Variants in AACS observed in about 807,000 individuals in gnomAD.
AACS encodes the protein acetoacetate-CoA ligase.
In AACS, 69 loss-of-function variants were observed where a neutral mutation model predicts 83.1. That is an observed-to-expected ratio of 0.83 (90% CI 0.68 to 1.01). AACS has a LOEUF of 1.01. AACS is among the 50% of genes least tolerant of loss of function. The pLI is 0.00. For synonymous variants in AACS, 333 were observed against 343.4 expected, an observed-to-expected ratio of 0.97 and a Z score of 0.33; for missense variants, 866 against 882.2, an observed-to-expected ratio of 0.98 and a Z score of 0.23.
At chr12:125,088,102 G>A (rs1956380761) in intron 4 of AACS, among the ~76,000 whole-genome samples, 1 of 152,160 alleles carries the variant, frequency 6.6e-6, no homozygotes, top group Non-Finnish European at 1.5e-5. Context: ...CATACTAGAA[G>A]GCAGGGGCTT....
At chr12:125,079,153 TG>T (rs969836576) in intron 3 of AACS, among the ~76,000 whole-genome samples, 2 of 151,934 alleles carry the variant, frequency 1.3e-5, no homozygotes, top group African/African-American at 4.8e-5. Flanking sequence ...AAGAAGGCCC[TG>T]GGCTGGAGGA....
chr12:125,134,486 G>A (rs1215027268), intron 15 of AACS, among the ~76,000 whole-genome samples: 2 of 152,196 alleles, frequency 1.3e-5, no homozygotes, highest in Admixed American at 1.3e-4. Context: ...TGGGGTTCTC[G>A]GGTAGGGAGT....
In AACS at chr12:125,073,926, T is replaced by C; in HGVS notation, c.184T>C (p.Trp62Arg). Residue 62 changes from tryptophan to arginine, a missense_variant, in exon 2 of 18, where the codon TGG (tryptophan) becomes CGG (arginine). By Grantham distance (101) the Trp-to-Arg change is moderately radical. Coordinates refer to ENST00000316519, the MANE Select transcript of AACS (RefSeq NM_023928.5). ...HWSVESYSDF[W>R]AEFWKFSGIV... ...GTCCGTTGAGTCATATTCAGACTTC[T>C]GGGCAGAGTTCTGGAAATTCAGTGG... The C allele has an allele frequency of 1.9e-6, 3 of 1,614,236 alleles. No homozygotes were observed. Among genetic ancestry groups the C allele is most frequent in the Non-Finnish European group, 2.5e-6 (3 of 1,180,030 alleles).
In AACS at chr12:125,124,693, C is replaced by T; in HGVS notation, c.1122-12C>T. The T allele has an allele frequency of 6.2e-7, 1 of 1,613,506 alleles. No homozygotes were observed. The highest frequency in any genetic ancestry group is 1.1e-5 in the South Asian group (1 of 91,046). On this transcript the variant is annotated splice_polypyrimidine_tract_variant and intron_variant, in intron 10 of 17. Coordinates refer to ENST00000316519, the MANE Select transcript of AACS (RefSeq NM_023928.5). ...AGAGTTTCTGGTGTTTTCTTTCCCG[C>T]CTGCACCCTAGCATCACTGTCCTGG...
Position 125,106,138 on chromosome 12 carries a change from C to T in AACS, c.768-983C>T, listed in dbSNP as rs111837991. Among the ~76,000 whole-genome samples, 486 of 152,320 alleles carry T rather than the reference C, an allele frequency of 3.2e-3. 10 individuals are homozygous for T. Among genetic ancestry groups the T allele is most frequent in the African/African-American group, 0.011 (462 of 41,574 alleles). On this transcript the variant is annotated intron_variant, in intron 7 of 17. Coordinates refer to ENST00000316519, the MANE Select transcript of AACS (RefSeq NM_023928.5). ...GGCATTTGTATTTCAGAGTAATTAT[C>T]CCTAGCAAATGGCTGCAGGCTGCGT...
chr12:125,132,370 G>A (rs754921392), intron 14 of AACS, among the ~76,000 whole-genome samples: 4 of 152,188 alleles, frequency 2.6e-5, no homozygotes, highest in Non-Finnish European at 5.9e-5. Context: ...TTTCTCGTCC[G>A]ATTAAAGGGA....
In AACS at chr12:125,104,967, C is replaced by T. The variant is rs576827512; in HGVS notation, c.767+1886C>T. ...TGATCATGGCGGAAGGGAAGTGGAGCGGGCACTTTACATGGGAAAGCAGGA... is the reference window on the plus strand; with the variant it reads ...TGATCATGGCGGAAGGGAAGTGGAGTGGGCACTTTACATGGGAAAGCAGGA... On this transcript the variant is annotated intron_variant, in intron 7 of 17. Coordinates refer to ENST00000316519, the MANE Select transcript of AACS (RefSeq NM_023928.5). Among the ~76,000 whole-genome samples, 5 of 122,584 alleles carry T rather than the reference C, an allele frequency of 4.1e-5. No individual in the cohort carries two copies. In the East Asian group the frequency reaches 1.1e-3, roughly 26 times the overall value. 80.4% of individuals were successfully genotyped at this position (122,584 alleles called of 152,430 possible).
chr12:125,096,199 C>T (rs1956604251), intron 5 of AACS, among the ~76,000 whole-genome samples: 2 of 152,152 alleles, frequency 1.3e-5, no homozygotes, highest in South Asian at 2.1e-4. Flanking sequence ...CTCCTGACCT[C>T]GTGATGCAAA....
intron 10 of AACS, 156 bp from the exon 11 acceptor site, chr12:125,124,549 C>G (rs1209231187): frequency 1.3e-6 from 1 of 788,640 alleles, no homozygotes; most frequent in Non-Finnish European, 2.0e-6. Flanking sequence ...GGTGCCGTGA[C>G]TCAGACTCGA....
chr12:125,100,232 G>A (rs1052379309), intron 5 of AACS, among the ~76,000 whole-genome samples: 14 of 152,214 alleles, frequency 9.2e-5, no homozygotes, highest in African/African-American at 2.9e-4. Flanking sequence ...GGGATTACAG[G>A]CGCGAGCCAC....
At chr12:125,100,075 C>T (rs1956683609) in intron 5 of AACS, among the ~76,000 whole-genome samples, 1 of 152,084 alleles carries the variant, frequency 6.6e-6, no homozygotes, top group Non-Finnish European at 1.5e-5. Context: ...GAGTACAGTG[C>T]TGCGAACACA....
rs1956338813 is a variant in AACS, at chr12:125,086,338, A to G, written c.367A>G (p.Lys123Glu). 6.2e-7 allele frequency: 1 copy of G among 1,614,140 alleles called. No homozygotes were observed. Among genetic ancestry groups the G allele is most frequent in the Admixed American group, 1.7e-5 (1 of 60,018 alleles). Reference protein sequence around the residue: ...RVALYIAREGKEEIVKVTFEE... With the variant: ...RVALYIAREGEEEIVKVTFEE... ...CCTTTTTCTCTTCCCAGGGGAAGGC[A>G]AAGAGGAAATTGTGAAGGTGACTTT... The change falls in exon 4 of 18, where the codon AAA becomes GAA. Residue 123 changes from lysine (K) to glutamate (E), a missense_variant. Transcript: ENST00000316519.
chr12:125,135,137 CTTTT>C (rs746998324), intron 16 of AACS, among the ~76,000 whole-genome samples: 1 of 144,324 alleles, frequency 6.9e-6, no homozygotes, highest in Non-Finnish European at 1.5e-5. Flanking sequence ...TCTATCTACT[CTTTT>C]TTTTTTTTTT....
At chr12:125,066,812 T>A (rs1276694302) in intron 1 of AACS, among the ~76,000 whole-genome samples, 1 of 152,068 alleles carries the variant, frequency 6.6e-6, no homozygotes, top group African/African-American at 2.4e-5. Flanking sequence ...AGGGACTCCC[T>A]TGTTTCTGTT....
At chr12:125,067,093 G>C (rs748557836) in intron 1 of AACS, among the ~76,000 whole-genome samples, 7 of 152,196 alleles carry the variant, frequency 4.6e-5, no homozygotes, top group Non-Finnish European at 8.8e-5. Context: ...GAAGTTCTCA[G>C]TGGTTCCTTG....
intron 9 of AACS, 139 bp from the exon 10 acceptor site, chr12:125,118,502 C>A: frequency 8.7e-7 from 1 of 1,155,774 alleles, no homozygotes; most frequent in Non-Finnish European, 1.2e-6. Flanking sequence ...GCCAGAGTGT[C>A]CTGCATTTGA....
intron 4 of AACS, among the ~76,000 whole-genome samples, chr12:125,088,759 G>A (rs1956396319): frequency 6.6e-6 from 1 of 152,214 alleles, no homozygotes; most frequent in African/African-American, 2.4e-5. Context: ...TGTGAGCTAT[G>A]CTTTCTTTGA....
At position 125,128,221 on chromosome 12, in the gene AACS, G is replaced by C; in HGVS notation, c.1370G>C (p.Gly457Ala). ...GHNFSLPVYK[G>A]EIQARNLGMA... is the part of the protein sequence containing the mutation. Reference sequence around the variant, plus strand: ...AATTTTTCTCTTCCTGTGTATAAAGGGGAGATTCAGGCCCGGAACCTGGGC... The same window carrying C: ...AATTTTTCTCTTCCTGTGTATAAAGCGGAGATTCAGGCCCGGAACCTGGGC... Residue 457 changes from glycine (G) to alanine (A), a missense_variant, in exon 13 of 18, where the codon GGG becomes GCG. Gly to Ala is a moderately conservative substitution (Grantham distance 60). Transcript: ENST00000316519. The C allele has an allele frequency of 6.2e-7, 1 of 1,613,342 alleles. No homozygotes were observed. The highest frequency in any genetic ancestry group is 8.5e-7 in the Non-Finnish European group (1 of 1,179,458).
chr12:125,081,839 A>G (rs928484496), intron 3 of AACS, among the ~76,000 whole-genome samples: 1 of 151,856 alleles, frequency 6.6e-6, no homozygotes, highest in Non-Finnish European at 1.5e-5. Context: ...GATGAAGGGC[A>G]GACGCGTACA....
Sources: gnomAD v4.1 joint callset for allele counts (sites outside exome capture counted in the v4.1 genomes callset) on GRCh38, gnomAD v4.1.1 for gene constraint, MANE v1.5 for transcripts, NCBI Gene and HGNC (gene_info 2026-07-23, HGNC 2026-07-21) for gene names.